Variants in GHR observed in about 807,000 individuals in gnomAD.
GHR encodes GH receptor.
Under a neutral mutation model 67.1 loss-of-function variants are expected in GHR, and 35 were observed. The ratio of observed to expected loss-of-function variants is 0.52; its 90% confidence interval spans 0.40 to 0.69. The LOEUF is 0.69. Ranked by LOEUF, GHR falls within the 30% of genes least tolerant of loss-of-function variation. The pLI, the probability that GHR is intolerant of heterozygous loss-of-function variation, is 0.00. For missense variants in GHR, 792 were observed against 764.6 expected, an observed-to-expected ratio of 1.04 and a Z score of -0.42; for synonymous variants, 272 against 269.1, an observed-to-expected ratio of 1.01 and a Z score of -0.10.
intron 1 of GHR, among the ~76,000 whole-genome samples, chr5:42,516,770 G>A (rs1011344032): frequency 6.6e-6 from 1 of 152,138 alleles, no homozygotes; most frequent in Non-Finnish European, 1.5e-5. Context: ...AAATTATACT[G>A]AAACAGAAGT....
At chr5:42,654,174 C>T (rs767184455) in intron 3 of GHR, among the ~76,000 whole-genome samples, 4 of 152,240 alleles carry the variant, frequency 2.6e-5, no homozygotes, top group Non-Finnish European at 5.9e-5. Context: ...CAAATTCCAT[C>T]GTTGTCTCTT....
chr5:42,546,321 A>T (rs1250550286), intron 1 of GHR, among the ~76,000 whole-genome samples: 1 of 152,178 alleles, frequency 6.6e-6, no homozygotes, highest in African/African-American at 2.4e-5. Flanking sequence ...ATTGTCTGGG[A>T]TCCAACATCA....
At chr5:42,500,954 G>A (rs565880526) in intron 1 of GHR, among the ~76,000 whole-genome samples, 42 of 152,360 alleles carry the variant, frequency 2.8e-4, no homozygotes, top group African/African-American at 9.9e-4. Context: ...ACTAAAAAGT[G>A]AGGAAGTTTA....
At chr5:42,617,160 G>A (rs1192799489) in intron 2 of GHR, among the ~76,000 whole-genome samples, 2 of 151,488 alleles carry the variant, frequency 1.3e-5, no homozygotes, top group African/African-American at 4.9e-5. Flanking sequence ...AATGTCTGTT[G>A]GGATTATTGT....
Position 42,460,799 on chromosome 5 carries a change from A to T in GHR, c.-12+36844A>T, listed in dbSNP as rs565584656. On this transcript the variant is annotated intron_variant, in intron 1 of 9. Coordinates refer to ENST00000230882, the MANE Select transcript of GHR (RefSeq NM_000163.5). ...GAAGGCTATATTAATACCAAGTCTC[A>T]TTTGAGTTCCTGTCAGTAAGGAAAT... 1.5e-4 allele frequency among the ~76,000 whole-genome samples: 23 copies of T among 152,320 alleles called. No homozygotes were observed. The East Asian group carries it at 4.2e-3, about 28-fold the overall frequency.
rs1758916525 is a variant in GHR, at chr5:42,719,503, G to C, written c.*79G>C. 7.1e-7 allele frequency: 1 copy of C among 1,403,776 alleles called. No individual in the cohort carries two copies. The highest frequency in any genetic ancestry group is 1.0e-6 in the Non-Finnish European group (1 of 1,000,816). The allele number at this position is 1,403,776 out of a possible 1,614,324, so 87.0% of individuals were successfully genotyped here. On this transcript the variant is annotated 3_prime_UTR_variant, in exon 10 of 10. Transcript: ENST00000230882. ...GCAATAACGTTTAAGCCAAAACAAT[G>C]TTTAAACCTTTTTTGGGGGAGTGAC...
intron 2 of GHR, among the ~76,000 whole-genome samples, chr5:42,597,252 A>G (rs1373763983): frequency 6.6e-6 from 1 of 152,216 alleles, no homozygotes; most frequent in Non-Finnish European, 1.5e-5. Context: ...ACAGATGCAT[A>G]AGAGACATAA....
At chr5:42,672,982 C>A (rs1420990071) in intron 3 of GHR, among the ~76,000 whole-genome samples, 1 of 152,094 alleles carries the variant, frequency 6.6e-6, no homozygotes, top group African/African-American at 2.4e-5. Context: ...AAACAGCCTA[C>A]AGAATGGGTG....
At chr5:42,530,701 G>A (rs1162471209) in intron 1 of GHR, among the ~76,000 whole-genome samples, 2 of 152,078 alleles carry the variant, frequency 1.3e-5, no homozygotes, top group Non-Finnish European at 2.9e-5. Context: ...AACATTCAAG[G>A]TGTGCCAGTT....
chr5:42,425,527 G>A (rs532877411), intron 1 of GHR, among the ~76,000 whole-genome samples: 3 of 152,188 alleles, frequency 2.0e-5, no homozygotes, highest in African/African-American at 7.2e-5. Context: ...CAAAATTGAT[G>A]CAGCAGACAG....
rs528099136 is a variant in GHR, at chr5:42,476,785, G to C, written c.-12+52830G>C. On this transcript the variant is annotated intron_variant, in intron 1 of 9. Coordinates refer to ENST00000230882, the MANE Select transcript of GHR (RefSeq NM_000163.5). ...GTTTCAGGTGTTACTACCTCTAATA[G>C]TCTATCAGTAAAACCCTGATAGGGG... Among the ~76,000 whole-genome samples, 5 of 152,248 alleles carry C rather than the reference G, an allele frequency of 3.3e-5. No homozygotes were observed. In the East Asian group the frequency reaches 9.7e-4, roughly 29 times the overall value.
chr5:42,511,020 A>G lies in GHR; in HGVS notation c.-11-54844A>G, dbSNP rs537655372. Among the ~76,000 whole-genome samples, 317 of 152,264 alleles carry G rather than the reference A, an allele frequency of 2.1e-3. 1 individual carries two copies. Among genetic ancestry groups the G allele is most frequent in the African/African-American group, 7.1e-3 (296 of 41,542 alleles). ...AAAATCTTGTTTCCATGTAATACCA[A>G]TATTATCCCACTATTTACCAGTAGC... On this transcript the variant is annotated intron_variant, in intron 1 of 9. Coordinates refer to ENST00000230882, the MANE Select transcript of GHR (RefSeq NM_000163.5).
chr5:42,550,211 C>A, intron 1 of GHR: 1 of 297,270 alleles, frequency 3.4e-6, no homozygotes, highest in Non-Finnish European at 5.0e-6. Flanking sequence ...GGACTGGGGA[C>A]AGGAGACCTG....
chr5:42,718,950 G>A lies in GHR; in HGVS notation c.1443G>A (p.Leu481=). 2 of 1,613,664 alleles carry A rather than the reference G, an allele frequency of 1.2e-6. No individual in the cohort carries two copies. The highest frequency in any genetic ancestry group is 1.7e-6 in the Non-Finnish European group (2 of 1,179,670). Residue 481 remains leucine (L), a synonymous_variant, in exon 10 of 10, where the codon CTG becomes CTA. Transcript: ENST00000230882. ...AHIQLSNPSS[L]SNIDFYAQVS... is the part of the protein sequence containing the mutation. ...TTCAGCTAAGCAATCCAAGTTCACTGTCAAACATCGACTTTTATGCCCAGG... is the reference window on the plus strand; with the variant it reads ...TTCAGCTAAGCAATCCAAGTTCACTATCAAACATCGACTTTTATGCCCAGG...
chr5:42,627,164 C>T (rs1753743294), intron 2 of GHR, among the ~76,000 whole-genome samples: 1 of 152,174 alleles, frequency 6.6e-6, no homozygotes. Flanking sequence ...TCCCTACTTC[C>T]AGGATCATTC....
intron 2 of GHR, among the ~76,000 whole-genome samples, chr5:42,613,956 T>C (rs1362344330): frequency 6.6e-6 from 1 of 152,116 alleles, no homozygotes; most frequent in East Asian, 1.9e-4. Context: ...CCATTGACTG[T>C]TGAAAACTAC....
intron 2 of GHR, among the ~76,000 whole-genome samples, chr5:42,627,623 G>T (rs552864325): frequency 1.3e-5 from 2 of 152,364 alleles, no homozygotes; most frequent in South Asian, 2.1e-4. Flanking sequence ...TGGCTCACCT[G>T]TTCAGTTGCC....
At chr5:42,637,054 A>G (rs1392373566) in intron 3 of GHR, among the ~76,000 whole-genome samples, 2 of 152,028 alleles carry the variant, frequency 1.3e-5, no homozygotes, top group Non-Finnish European at 2.9e-5. Flanking sequence ...TTTTTTCTTT[A>G]GGTCAACAAA....
At position 42,575,407 on chromosome 5, in the gene GHR, A is replaced by G. The variant is rs115126822; in HGVS notation, c.70+9463A>G. ...ACAAGGATTCCTATGAAAGTGAATT[A>G]TTAGAAAATGGTCCAGGGAGAAAGC... On this transcript the variant is annotated intron_variant, in intron 2 of 9. Transcript: ENST00000230882. 3.7e-3 allele frequency among the ~76,000 whole-genome samples: 561 copies of G among 152,280 alleles called. 2 individuals are homozygous for G. Among genetic ancestry groups the G allele is most frequent in the African/African-American group, 0.013 (534 of 41,550 alleles).
Sources: gnomAD v4.1 joint callset for allele counts (sites outside exome capture counted in the v4.1 genomes callset) on GRCh38, gnomAD v4.1.1 for gene constraint, MANE v1.5 for transcripts, NCBI Gene and HGNC (gene_info 2026-07-23, HGNC 2026-07-21) for gene names.